Variants in RNLS observed in about 807,000 individuals in gnomAD.
The protein encoded by RNLS is renalase, FAD dependent amine oxidase.
A neutral mutation model predicts 39.8 loss-of-function variants in RNLS; 39 were observed. The observed-to-expected ratio is 0.98, with a 90% CI of 0.76 to 1.28. RNLS has a LOEUF of 1.28. Among genes scored for constraint, RNLS ranks in the 50% most tolerant of loss-of-function variants. The probability of loss-of-function intolerance (pLI) is 0.00; values close to 1 mark genes in which losing one functional copy is unlikely to be tolerated. For missense variants in RNLS, 410 were observed against 413.3 expected, an observed-to-expected ratio of 0.99 and a Z score of 0.07; for synonymous variants, 147 against 150.7, an observed-to-expected ratio of 0.98 and a Z score of 0.18.
chr10:88,279,447 A>T (rs1337366717), downstream of RNLS, among the ~76,000 whole-genome samples: 6 of 152,150 alleles, frequency 3.9e-5, no homozygotes, highest in Admixed American at 3.9e-4. Flanking sequence ...TTGTATCCAC[A>T]TTTCATAGAC....
At chr10:88,317,946 C>A (rs1043046505) in intron 5 of RNLS, among the ~76,000 whole-genome samples, 3 of 152,240 alleles carry the variant, frequency 2.0e-5, no homozygotes, top group Admixed American at 6.5e-5. Flanking sequence ...GACTGTCAAA[C>A]TGTTGGGGAG....
intron 4 of RNLS, among the ~76,000 whole-genome samples, chr10:88,368,868 T>A (rs1850323653): frequency 6.6e-6 from 1 of 152,144 alleles, no homozygotes; most frequent in African/African-American, 2.4e-5. Context: ...AATTTATAGT[T>A]TCTATTAGTG....
At chr10:88,575,137 T>C (rs987533815) in intron 3 of RNLS, among the ~76,000 whole-genome samples, 79 of 31,310 alleles carry the variant, frequency 2.5e-3, no homozygotes, top group Admixed American at 9.4e-3. Flanking sequence ...TATATATATA[T>C]ATATATATAT....
chr10:88,444,674 G>A (rs186729041), intron 4 of RNLS, among the ~76,000 whole-genome samples: 1 of 152,220 alleles, frequency 6.6e-6, no homozygotes, highest in Non-Finnish European at 1.5e-5. Context: ...CATGATGAAT[G>A]CACAAGCTTC....
chr10:88,337,603 G>C (rs952984900), intron 5 of RNLS, among the ~76,000 whole-genome samples: 1 of 152,124 alleles, frequency 6.6e-6, no homozygotes, highest in African/African-American at 2.4e-5. Context: ...GAAATCCTTG[G>C]TACTACCTGG....
chr10:88,264,445 A>G, the RNLS span, among the ~76,000 whole-genome samples: 1 of 152,142 alleles, frequency 6.6e-6, no homozygotes, highest in Admixed American at 6.5e-5. Context: ...CAGAGGTGTA[A>G]AAGTGTTCTC....
At chr10:88,215,863 C>T in the RNLS span, among the ~76,000 whole-genome samples, 11 of 151,984 alleles carry the variant, frequency 7.2e-5, no homozygotes, top group African/African-American at 2.4e-4. Context: ...CCATGCCAGG[C>T]TAATTTTTGT....
intron 4 of RNLS, among the ~76,000 whole-genome samples, chr10:88,544,186 C>A (rs1443615549): frequency 6.6e-6 from 1 of 152,200 alleles, no homozygotes; most frequent in Non-Finnish European, 1.5e-5. Flanking sequence ...GGATAGTAAG[C>A]ACTGTTTAAC....
intron 6 of RNLS, among the ~76,000 whole-genome samples, chr10:88,303,849 C>G (rs1478390750): frequency 6.6e-6 from 1 of 152,190 alleles, no homozygotes; most frequent in Non-Finnish European, 1.5e-5. Context: ...TGCCCCCAGG[C>G]CAAGACCACT....
intron 4 of RNLS, among the ~76,000 whole-genome samples, chr10:88,392,816 C>CA (rs1251713820): frequency 6.6e-6 from 1 of 152,156 alleles, no homozygotes; most frequent in Non-Finnish European, 1.5e-5. Flanking sequence ...GTCTCTCAGG[C>CA]ACATCAAAAA....
chr10:88,218,898 C>G, the RNLS span, among the ~76,000 whole-genome samples: 423 of 152,248 alleles, frequency 2.8e-3, 2 homozygotes, highest in Middle Eastern at 0.01. Flanking sequence ...CCAAACTTTT[C>G]CCACAGCCTG....
chr10:88,225,176 T>A, the RNLS span, among the ~76,000 whole-genome samples: 2 of 152,368 alleles, frequency 1.3e-5, no homozygotes, highest in East Asian at 3.9e-4. Flanking sequence ...CCTCCTACTA[T>A]CTCAGTGATG....
At chr10:88,433,062 T>C (rs1195817989) in intron 4 of RNLS, among the ~76,000 whole-genome samples, 16 of 152,054 alleles carry the variant, frequency 1.1e-4, no homozygotes, top group Admixed American at 1.1e-3. Context: ...TAAAAAGTCA[T>C]GTTAACCTAA....
chr10:88,362,825 A>G, intron 4 of RNLS, 100 bp from the exon 5 acceptor site: 1 of 995,846 alleles, frequency 1.0e-6, no homozygotes, highest in Non-Finnish European at 1.4e-6. Context: ...AACAGCTTCC[A>G]CCAACTCCAT....
intron 4 of RNLS, among the ~76,000 whole-genome samples, chr10:88,470,956 T>C (rs1288117961): frequency 6.6e-6 from 1 of 152,160 alleles, no homozygotes; most frequent in Non-Finnish European, 1.5e-5. Context: ...GATAAGCATC[T>C]TTCCATGCCA....
intron 4 of RNLS, among the ~76,000 whole-genome samples, chr10:88,571,905 G>A (rs1849860988): frequency 2.0e-5 from 3 of 152,152 alleles, no homozygotes; most frequent in Non-Finnish European, 1.5e-5. Context: ...ACTATCCCCA[G>A]CATTTCTGGC....
chr10:88,525,213 C>G (rs970244534), intron 4 of RNLS, among the ~76,000 whole-genome samples: 1 of 151,354 alleles, frequency 6.6e-6, no homozygotes. Flanking sequence ...CATACAAATC[C>G]TGATCATCAC....
the RNLS span, among the ~76,000 whole-genome samples, chr10:88,223,011 T>C: frequency 6.6e-6 from 1 of 152,366 alleles, no homozygotes; most frequent in East Asian, 1.9e-4. Flanking sequence ...CAAACAAACC[T>C]GTGAGCTCAA....
the RNLS span, among the ~76,000 whole-genome samples, chr10:88,187,565 C>T: frequency 5.3e-5 from 8 of 152,206 alleles, no homozygotes; most frequent in African/African-American, 1.9e-4. Context: ...TCATGGTGGC[C>T]TTGAAAGTAC....
Sources: allele counts gnomAD v4.1 joint callset (sites outside exome capture counted in the v4.1 genomes callset), GRCh38; gene constraint gnomAD v4.1.1; transcripts MANE v1.5; gene names NCBI Gene and HGNC (gene_info 2026-07-23, HGNC 2026-07-21).